Variants in GRIK3 observed in about 807,000 individuals in gnomAD.
The protein encoded by GRIK3 is glutamate ionotropic receptor kainate type subunit 3.
A neutral mutation model predicts 102.5 loss-of-function variants in GRIK3; 29 were observed. The observed-to-expected ratio is 0.28, with a 90% CI of 0.21 to 0.39. The LOEUF is 0.39. Ranked by LOEUF, GRIK3 falls within the 10% of genes least tolerant of loss-of-function variation. The pLI, the probability that GRIK3 is intolerant of heterozygous loss-of-function variation, is 1.00. For synonymous variants in GRIK3, 511 were observed against 504.9 expected (o/e 1.01, Z -0.16); for missense variants, 908 against 1,252.4 (o/e 0.73, Z 4.15).
Position 36,799,943 on chromosome 1 carries a change from C to G in GRIK3, c.*1908G>C, listed in dbSNP as rs1642421584. 6.6e-6 allele frequency: 1 copy of G among 152,244 alleles called. No individual in the cohort carries two copies. The highest frequency in any genetic ancestry group is 1.5e-5 in the Non-Finnish European group (1 of 68,076). 9.4% of individuals were successfully genotyped at this position (152,244 alleles called of 1,614,324 possible). A position where few individuals can be genotyped will look rare whatever the true frequency, so the allele number is the denominator to read the frequency against. Reference sequence around the variant, plus strand: ...GCCCTCTGTACCCTGAAGCTTATGACAGCATGGCTTTTCCTAACATTACAT... The same window carrying G: ...GCCCTCTGTACCCTGAAGCTTATGAGAGCATGGCTTTTCCTAACATTACAT... On this transcript the variant is annotated 3_prime_UTR_variant, in exon 16 of 16. Coordinates refer to ENST00000373091, the MANE Select transcript of GRIK3 (RefSeq NM_000831.4).
intron 1 of GRIK3, among the ~76,000 whole-genome samples, chr1:37,018,770 A>T (rs1642679701): frequency 6.6e-6 from 1 of 152,030 alleles, no homozygotes; most frequent in Non-Finnish European, 1.5e-5. Context: ...TTGATGGATC[A>T]CTCCAATGTA....
chr1:36,990,805 G>T (rs558532138), intron 1 of GRIK3, among the ~76,000 whole-genome samples: 9 of 152,206 alleles, frequency 5.9e-5, no homozygotes, highest in Admixed American at 5.2e-4. Flanking sequence ...AGAGTTCCAG[G>T]GAGTGGAGAG....
chr1:36,944,130 C>T (rs1641757125), intron 1 of GRIK3, among the ~76,000 whole-genome samples: 1 of 152,204 alleles, frequency 6.6e-6, no homozygotes. Context: ...AAACTGAGTG[C>T]TCCTCAAAAG....
intron 1 of GRIK3, among the ~76,000 whole-genome samples, chr1:37,012,029 T>C (rs959376896): frequency 2.6e-5 from 4 of 152,146 alleles, no homozygotes; most frequent in African/African-American, 9.7e-5. Flanking sequence ...CTCCAAGTCC[T>C]GTCTGGGCAG....
At chr1:36,828,777 G>A (rs1379859534) in intron 10 of GRIK3, among the ~76,000 whole-genome samples, 1 of 152,214 alleles carries the variant, frequency 6.6e-6, no homozygotes, top group Non-Finnish European at 1.5e-5. Flanking sequence ...GTCAATGGCG[G>A]TGATGAATCT....
intron 10 of GRIK3, among the ~76,000 whole-genome samples, chr1:36,830,475 G>A (rs1288083865): frequency 6.6e-6 from 1 of 152,118 alleles, no homozygotes; most frequent in Admixed American, 6.5e-5. Context: ...TACTGAATGA[G>A]GGTGGGCCCC....
chr1:36,862,519 G>C lies in GRIK3; in HGVS notation c.787-2502C>G, dbSNP rs372080228. On this transcript the variant is annotated intron_variant, in intron 5 of 15. Coordinates refer to ENST00000373091, the MANE Select transcript of GRIK3 (RefSeq NM_000831.4). ...GTGGAGCCTGGAGTCTGTGTTTTGAGAAGCCACTAAGCGATTACTCGTGAC... is the reference window on the plus strand; with the variant it reads ...GTGGAGCCTGGAGTCTGTGTTTTGACAAGCCACTAAGCGATTACTCGTGAC... Among the ~76,000 whole-genome samples the C allele has an allele frequency of 5.4e-4, 82 of 152,306 alleles. 1 individual carries two copies. In the East Asian group the frequency reaches 0.011, roughly 20 times the overall value.
chr1:36,920,233 G>T (rs1303623262), intron 1 of GRIK3, among the ~76,000 whole-genome samples: 1 of 152,182 alleles, frequency 6.6e-6, no homozygotes, highest in Non-Finnish European at 1.5e-5. Context: ...GACTATTGTG[G>T]TGCAGTTCTT....
At chr1:36,837,383 A>T (rs1640391826) in intron 10 of GRIK3, among the ~76,000 whole-genome samples, 1 of 152,098 alleles carries the variant, frequency 6.6e-6, no homozygotes. Flanking sequence ...CCAGAGTAGA[A>T]TTCCATGCCC....
intron 1 of GRIK3, among the ~76,000 whole-genome samples, chr1:36,923,322 GT>G (rs1033685747): frequency 2.6e-5 from 4 of 152,220 alleles, no homozygotes; most frequent in African/African-American, 9.6e-5. Flanking sequence ...GGGTAGAGGG[GT>G]GGGAGGCCTA....
chr1:36,889,837 GGTGGTTGTA>G (rs1364555931), intron 2 of GRIK3, among the ~76,000 whole-genome samples: 3 of 152,070 alleles, frequency 2.0e-5, no homozygotes, highest in East Asian at 3.8e-4. Context: ...GCTTTTTGTG[GGTGGTTGTA>G]CCCACGAGGG....
chr1:36,975,288 G>GTTGTTTTTTTTTTTTTTTTT (rs1642183302), intron 1 of GRIK3, among the ~76,000 whole-genome samples: 1 of 113,372 alleles, frequency 8.8e-6, no homozygotes, highest in African/African-American at 3.8e-5. Flanking sequence ...TCTAAAGTTG[G>GTTGTTTTTTTTTTTTTTTTT]TTTTTTTTTT....
chr1:36,942,277 G>A (rs1464603810), intron 1 of GRIK3, among the ~76,000 whole-genome samples: 1 of 152,208 alleles, frequency 6.6e-6, no homozygotes, highest in Non-Finnish European at 1.5e-5. Context: ...CATGAGTCCT[G>A]TGGTGCCAGT....
intron 10 of GRIK3, among the ~76,000 whole-genome samples, chr1:36,834,313 TG>T (rs1430098125): frequency 6.6e-6 from 1 of 151,922 alleles, no homozygotes; most frequent in Non-Finnish European, 1.5e-5. Flanking sequence ...ATCCTGCAGT[TG>T]GTGGGGGCAG....
chr1:36,866,745 A>G (rs989010374), intron 5 of GRIK3, among the ~76,000 whole-genome samples: 17 of 151,994 alleles, frequency 1.1e-4, no homozygotes, highest in African/African-American at 3.9e-4. Flanking sequence ...ATTCTAACTC[A>G]GGCCAACTGG....
chr1:36,958,854 ATGAGCCTGTGTGTCCTG>A (rs1427885319), intron 1 of GRIK3, among the ~76,000 whole-genome samples: 11 of 81,194 alleles, frequency 1.4e-4, no homozygotes, highest in African/African-American at 1.8e-4. Context: ...TCTGTGCCCC[ATGAGCCTGTGTGTCCTG>A]TGAGCCTGTG....
chr1:36,960,121 G>C lies in GRIK3; in HGVS notation c.116-69025C>G, dbSNP rs1288149617. 1.5e-5 allele frequency among the ~76,000 whole-genome samples: 2 copies of C among 134,876 alleles called. 1 individual carries two copies. Among genetic ancestry groups the C allele is most frequent in the Non-Finnish European group, 3.3e-5 (2 of 61,470 alleles). The allele number at this position is 134,876 out of a possible 152,430, so 88.5% of individuals were successfully genotyped here. On this transcript the variant is annotated intron_variant, in intron 1 of 15. Coordinates refer to ENST00000373091, the MANE Select transcript of GRIK3 (RefSeq NM_000831.4). ...ATAAGCCTGTGTGCTCTGTGAGTCT[G>C]TGCCTCGTGAGCCTGTGCCCCTTGA...
intron 1 of GRIK3, 22 bp downstream of exon 1, chr1:37,033,972 C>T (rs1290831922): frequency 6.9e-6 from 10 of 1,448,998 alleles, no homozygotes; most frequent in Non-Finnish European, 9.5e-6. Context: ...CACGGAGACC[C>T]CCGGCTCCAG....
chr1:37,013,548 C>T (rs1176945882), intron 1 of GRIK3, among the ~76,000 whole-genome samples: 1 of 152,222 alleles, frequency 6.6e-6, no homozygotes, highest in Non-Finnish European at 1.5e-5. Context: ...TAGGGCTCTA[C>T]AGTTCCCTCA....
Sources: allele counts gnomAD v4.1 joint callset (sites outside exome capture counted in the v4.1 genomes callset), GRCh38; gene constraint gnomAD v4.1.1; transcripts MANE v1.5; gene names NCBI Gene and HGNC (gene_info 2026-07-23, HGNC 2026-07-21).